SLC9C2: variants seen among roughly 807,000 people sequenced by gnomAD.
SLC9C2 encodes sodium/hydrogen exchanger 11.
SLC9C2 carries 75 observed loss-of-function variants against 140.2 expected under a neutral mutation model. That is an observed-to-expected ratio of 0.53 (90% CI 0.44 to 0.65). The LOEUF is 0.65. Ranked by LOEUF, SLC9C2 falls within the 30% of genes least tolerant of loss-of-function variation. SLC9C2 has a pLI of 0.00. For synonymous variants in SLC9C2, 375 were observed against 420.9 expected (o/e 0.89, Z 1.34); for missense variants, 1,074 against 1,331.8 (o/e 0.81, Z 3.01).
chr1:173,600,283 C>T, intron 2 of SLC9C2, 66 bp from the exon 3 acceptor site: 9 of 1,110,818 alleles, frequency 8.1e-6, no homozygotes, highest in Non-Finnish European at 1.2e-5. Flanking sequence ...ATGTGTATCA[C>T]TTTTGCACCA....
rs150311770 is a variant in SLC9C2, at chr1:173,511,159, G to A, written c.2908-1460C>T. On this transcript the variant is annotated intron_variant, in intron 23 of 27. Coordinates refer to ENST00000367714, the MANE Select transcript of SLC9C2 (RefSeq NM_178527.4). ...AGCAATTCTCCTGCCTCAGCCACCC[G>A]AGTAGCTGGGACTATAAGTGCGCCA... Among the ~76,000 whole-genome samples the A allele has an allele frequency of 2.9e-3, 427 of 145,840 alleles. 1 individual carries two copies. Among genetic ancestry groups the A allele is most frequent in the Non-Finnish European group, 5.0e-3 (336 of 67,168 alleles).
chr1:173,598,146 G>A (rs989351834), intron 3 of SLC9C2, 114 bp from the exon 4 acceptor site: 10 of 1,158,982 alleles, frequency 8.6e-6, no homozygotes, highest in Admixed American at 5.4e-5. Context: ...TACAGCTAAC[G>A]AGAGAGTATC....
intron 23 of SLC9C2, among the ~76,000 whole-genome samples, chr1:173,510,036 G>T (rs1024663357): frequency 1.2e-4 from 18 of 152,132 alleles, no homozygotes; most frequent in African/African-American, 4.1e-4. Flanking sequence ...TATTGTCATG[G>T]TAGATAACAT....
chr1:173,591,668 T>C (rs970378234), intron 4 of SLC9C2, among the ~76,000 whole-genome samples: 3 of 152,216 alleles, frequency 2.0e-5, no homozygotes, highest in Admixed American at 1.3e-4. Flanking sequence ...GCTGCAAGTA[T>C]GTCTTCTTTT....
intron 9 of SLC9C2, among the ~76,000 whole-genome samples, chr1:173,566,904 T>G (rs1664510109): frequency 1.3e-5 from 2 of 151,878 alleles, no homozygotes. Context: ...TTTCAAGAAA[T>G]TTTTCAGTTT....
Position 173,583,486 on chromosome 1 carries a change from C to A in SLC9C2, c.640+20G>T, listed in dbSNP as rs200750924. 2.1e-4 allele frequency: 283 copies of A among 1,325,890 alleles called. No homozygotes were observed. Among genetic ancestry groups the A allele is most frequent in the Middle Eastern group, 3.7e-4 (2 of 5,404 alleles). The allele number at this position is 1,325,890 out of a possible 1,614,324, so 82.1% of individuals were successfully genotyped here. A position where few individuals can be genotyped will look rare whatever the true frequency, so the allele number is the denominator to read the frequency against. ...AATGAGAATGATTTTAGAAAATATA[C>A]AGACAAAAAATGCTCCTACCTCTAA... is the stretch of plus-strand genomic sequence containing the variant. On this transcript the variant is annotated intron_variant, in intron 6 of 27. Transcript: ENST00000367714.
chr1:173,587,299 T>TCG lies in SLC9C2; in HGVS notation c.523+365_523+366insCG, dbSNP rs1341922852. ...CCTTGGAATAGTCTCTTTAGGGATC[T>TCG]TTAATGTTTCCCCTTATTGGTAAAC... On this transcript the variant is annotated intron_variant, in intron 5 of 27. Transcript: ENST00000367714. 2.6e-5 allele frequency among the ~76,000 whole-genome samples: 4 copies of TCG among 152,330 alleles called. No homozygotes were observed. In the East Asian group the frequency reaches 7.7e-4, roughly 29 times the overall value.
chr1:173,535,707 A>G (rs1661901242), intron 15 of SLC9C2, 123 bp downstream of exon 15: 2 of 1,170,082 alleles, frequency 1.7e-6, no homozygotes, highest in African/African-American at 1.6e-5. Context: ...GCACCACCCA[A>G]TCAGTGAAAA....
intron 8 of SLC9C2, among the ~76,000 whole-genome samples, chr1:173,573,800 C>G (rs1449888223): frequency 1.3e-5 from 2 of 152,208 alleles, no homozygotes; most frequent in African/African-American, 2.4e-5. Flanking sequence ...CTTTGAAAGT[C>G]TCTCCTGTCT....
At chr1:173,575,757 T>G (rs1224370024) in intron 8 of SLC9C2, among the ~76,000 whole-genome samples, 3 of 152,038 alleles carry the variant, frequency 2.0e-5, no homozygotes, top group African/African-American at 7.3e-5. Context: ...TTTCTGTATT[T>G]TTAGTAGAGA....
intron 23 of SLC9C2, among the ~76,000 whole-genome samples, chr1:173,510,870 C>T (rs1053873139): frequency 1.3e-5 from 2 of 152,042 alleles, no homozygotes; most frequent in Non-Finnish European, 2.9e-5. Flanking sequence ...ATTGCTGGGT[C>T]AAATGGTATT....
rs537127323 is a variant in SLC9C2, at chr1:173,524,907, G to A, written c.2386C>T (p.Arg796Cys). The A allele has an allele frequency of 2.9e-5, 47 of 1,613,908 alleles. 1 individual carries two copies. Among genetic ancestry groups the A allele is most frequent in the South Asian group, 7.7e-5 (7 of 91,066 alleles). Residue 796 changes from arginine to cysteine, a missense_variant, in exon 20 of 28, where the codon CGT (arginine) becomes TGT (cysteine). Transcript: ENST00000367714. ...KELVLMEHEG[R>C]DVVIALKTKQ... ...GTCTTCAAAGCAATGACAACATCAC[G>A]ACCCTCATGCTCCATGAGTACTACA...
Position 173,554,103 on chromosome 1 carries a change from A to G in SLC9C2, c.1297+630T>C, listed in dbSNP as rs560457547. Among the ~76,000 whole-genome samples the G allele has an allele frequency of 7.2e-5, 11 of 152,358 alleles. No individual in the cohort carries two copies. In the East Asian group the frequency reaches 2.1e-3, roughly 29 times the overall value. The stretch of plus-strand genomic sequence containing the variant: ...CCTTTTAGAAATAACCAACTGTGGC[A>G]GAGCCTGCTGTTATCTCCCAACATC... On this transcript the variant is annotated intron_variant, in intron 11 of 27. Transcript: ENST00000367714.
intron 27 of SLC9C2, among the ~76,000 whole-genome samples, chr1:173,502,717 T>C (rs551187510): frequency 2.6e-5 from 4 of 152,252 alleles, no homozygotes; most frequent in Admixed American, 6.5e-5. Flanking sequence ...TCTTGTTTTA[T>C]CTTAAAAATT....
intron 8 of SLC9C2, among the ~76,000 whole-genome samples, chr1:173,575,725 T>C (rs748691511): frequency 5.9e-5 from 9 of 151,968 alleles, no homozygotes; most frequent in East Asian, 1.9e-4. Flanking sequence ...TACAGGAGCC[T>C]GCCACCACGC....
chr1:173,517,721 AGT>A lies in SLC9C2; in HGVS notation c.2740-19_2740-18del, dbSNP rs761347390. The A allele has an allele frequency of 1.3e-6, 2 of 1,593,342 alleles. No individual in the cohort carries two copies. The highest frequency in any genetic ancestry group is 1.7e-6 in the Non-Finnish European group (2 of 1,173,800). On this transcript the variant is annotated intron_variant, in intron 22 of 27. Coordinates refer to ENST00000367714, the MANE Select transcript of SLC9C2 (RefSeq NM_178527.4). ...ACTATGCAACTGCAAAGGGAAAAAAAGTGTGCAAAGGGAAAGAAAAAATGAAA... is the reference window on the plus strand; with the variant it reads ...ACTATGCAACTGCAAAGGGAAAAAAAGTGCAAAGGGAAAGAAAAAATGAAA...
At chr1:173,576,266 A>G (rs1006779945) in intron 8 of SLC9C2, among the ~76,000 whole-genome samples, 1 of 152,210 alleles carries the variant, frequency 6.6e-6, no homozygotes, top group African/African-American at 2.4e-5. Context: ...AAGGGTAGGT[A>G]AGAGTTTTAT....
At position 173,500,611 on chromosome 1, in the gene SLC9C2, G is replaced by T. The variant is rs200945453; in HGVS notation, c.*483C>A. ...TTACTTACTGAAAGTTACTAAGATTGTGGAATATAATTCTGTTTTTCAATA... is the reference window on the plus strand; with the variant it reads ...TTACTTACTGAAAGTTACTAAGATTTTGGAATATAATTCTGTTTTTCAATA... On this transcript the variant is annotated 3_prime_UTR_variant, in exon 28 of 28. Coordinates refer to ENST00000367714, the MANE Select transcript of SLC9C2 (RefSeq NM_178527.4). 5 of 152,214 alleles carry T rather than the reference G, an allele frequency of 3.3e-5. No homozygotes were observed. The East Asian group carries it at 7.7e-4, about 23-fold the overall frequency. The allele number at this position is 152,214 out of a possible 1,614,324, so 9.4% of individuals were successfully genotyped here.
intron 5 of SLC9C2, among the ~76,000 whole-genome samples, chr1:173,586,849 G>A (rs192839326): frequency 1.9e-3 from 295 of 152,240 alleles, no homozygotes; most frequent in African/African-American, 6.6e-3. Flanking sequence ...TGGACACAGG[G>A]AGGGAAGCAA....
Sources: gnomAD v4.1 joint callset for allele counts (sites outside exome capture counted in the v4.1 genomes callset) on GRCh38, gnomAD v4.1.1 for gene constraint, MANE v1.5 for transcripts, NCBI Gene and HGNC (gene_info 2026-07-23, HGNC 2026-07-21) for gene names.